The following ZNF804B variants were observed in gnomAD, a reference collection of about 807,000 sequenced individuals.
ZNF804B encodes zinc finger 804B.
In ZNF804B, 80 loss-of-function variants were observed where a neutral mutation model predicts 101.4. The ratio of observed to expected loss-of-function variants is 0.79; its 90% CI spans 0.66 to 0.95. ZNF804B has a LOEUF of 0.95. ZNF804B is among the 40% of genes least tolerant of loss of function. The pLI, the probability that ZNF804B is intolerant of heterozygous loss-of-function variation, is 0.00. For missense variants in ZNF804B, 1,673 were observed against 1,561.9 expected (o/e 1.07, Z -1.20); for synonymous variants, 622 against 558.8 (o/e 1.11, Z -1.59).
chr7:88,877,028 T>TATATATATA (rs1791957176), intron 1 of ZNF804B, among the ~76,000 whole-genome samples: 1 of 36,302 alleles, frequency 2.8e-5, no homozygotes, highest in Admixed American at 4.6e-4. Flanking sequence ...ATATATATAA[T>TATATATATA]ATATATATAT....
At chr7:89,027,087 A>T (rs1447244410) in intron 1 of ZNF804B, among the ~76,000 whole-genome samples, 2 of 152,146 alleles carry the variant, frequency 1.3e-5, no homozygotes, top group Non-Finnish European at 2.9e-5. Context: ...GAAGAAAGTG[A>T]TTATAAAAAA....
intron 1 of ZNF804B, among the ~76,000 whole-genome samples, chr7:89,109,894 C>T (rs1790190125): frequency 3.3e-5 from 5 of 152,042 alleles, no homozygotes; most frequent in Admixed American, 2.0e-4. Context: ...ACACTTTTAA[C>T]TTATTTATAT....
chr7:88,965,883 A>G (rs917431370), intron 1 of ZNF804B, among the ~76,000 whole-genome samples: 1 of 151,540 alleles, frequency 6.6e-6, no homozygotes, highest in Non-Finnish European at 1.5e-5. Context: ...TAAAAAGTGC[A>G]TAATCCTGAA....
At chr7:89,024,046 T>G (rs576868567) in intron 1 of ZNF804B, among the ~76,000 whole-genome samples, 1 of 152,340 alleles carries the variant, frequency 6.6e-6, no homozygotes, top group East Asian at 1.9e-4. Flanking sequence ...ACTATATTTC[T>G]TAATGCTTCA....
At chr7:89,308,801 T>C (rs1790606590) in intron 2 of ZNF804B, among the ~76,000 whole-genome samples, 1 of 152,176 alleles carries the variant, frequency 6.6e-6, no homozygotes, top group Non-Finnish European at 1.5e-5. Flanking sequence ...ACTCTGCCAA[T>C]ACAGTCTGAA....
chr7:88,970,178 T>G (rs993819266), intron 1 of ZNF804B, among the ~76,000 whole-genome samples: 2 of 151,718 alleles, frequency 1.3e-5, no homozygotes, highest in Admixed American at 1.3e-4. Context: ...AGTGACATTA[T>G]TGTATAATAA....
At chr7:88,996,709 T>C (rs1399823307) in intron 1 of ZNF804B, among the ~76,000 whole-genome samples, 1 of 152,152 alleles carries the variant, frequency 6.6e-6, no homozygotes, top group Non-Finnish European at 1.5e-5. Flanking sequence ...CTTTGTCTTA[T>C]ACATGAATTA....
At chr7:88,890,237 T>G (rs1330507087) in intron 1 of ZNF804B, among the ~76,000 whole-genome samples, 2 of 152,180 alleles carry the variant, frequency 1.3e-5, no homozygotes, top group Non-Finnish European at 2.9e-5. Flanking sequence ...ATTTTTAGTA[T>G]TAGCTCTTCA....
At chr7:88,842,808 C>T (rs181692823) in intron 1 of ZNF804B, among the ~76,000 whole-genome samples, 1 of 152,298 alleles carries the variant, frequency 6.6e-6, no homozygotes, top group East Asian at 1.9e-4. Flanking sequence ...TAAAGAAACT[C>T]ACCTGGTACC....
At chr7:89,078,961 TA>T (rs1486324649) in intron 1 of ZNF804B, among the ~76,000 whole-genome samples, 4 of 152,076 alleles carry the variant, frequency 2.6e-5, no homozygotes, top group Non-Finnish European at 4.4e-5. Flanking sequence ...AATTCTGACG[TA>T]GTAGTTGTAG....
intron 1 of ZNF804B, among the ~76,000 whole-genome samples, chr7:89,199,447 G>A (rs551899357): frequency 6.6e-6 from 1 of 151,804 alleles, no homozygotes; most frequent in African/African-American, 2.4e-5. Flanking sequence ...ACAAAACTTA[G>A]GAAATATGAA....
chr7:89,173,226 A>G (rs1791265498), intron 1 of ZNF804B, among the ~76,000 whole-genome samples: 1 of 152,112 alleles, frequency 6.6e-6, no homozygotes. Flanking sequence ...TTATTATTTT[A>G]TAATCCAGCC....
At chr7:89,082,797 CAT>C (rs1175704561) in intron 1 of ZNF804B, among the ~76,000 whole-genome samples, 2 of 151,730 alleles carry the variant, frequency 1.3e-5, no homozygotes, top group African/African-American at 2.4e-5. Flanking sequence ...CAATGGAAGA[CAT>C]GTGTAGCGAT....
intron 1 of ZNF804B, among the ~76,000 whole-genome samples, chr7:89,174,550 A>G (rs553631161): frequency 6.6e-6 from 1 of 152,180 alleles, no homozygotes; most frequent in South Asian, 2.1e-4. Flanking sequence ...TAGTGCTGCA[A>G]TAAACATGGG....
intron 2 of ZNF804B, among the ~76,000 whole-genome samples, chr7:89,228,632 G>A (rs927579639): frequency 6.6e-6 from 1 of 152,192 alleles, no homozygotes; most frequent in Admixed American, 6.5e-5. Flanking sequence ...GCTGATTGGT[G>A]TATTTACAAT....
At chr7:88,992,490 C>G (rs1448081500) in intron 1 of ZNF804B, among the ~76,000 whole-genome samples, 1 of 152,040 alleles carries the variant, frequency 6.6e-6, no homozygotes, top group East Asian at 1.9e-4. Flanking sequence ...GTGGGTTCAA[C>G]TGGGTTTTCT....
intron 1 of ZNF804B, among the ~76,000 whole-genome samples, chr7:89,156,647 T>G (rs1250216222): frequency 1.3e-5 from 2 of 152,128 alleles, no homozygotes; most frequent in Non-Finnish European, 2.9e-5. Flanking sequence ...TATCTATATA[T>G]TTACAGAAAC....
intron 2 of ZNF804B, among the ~76,000 whole-genome samples, chr7:89,280,038 C>G (rs1012637189): frequency 6.6e-6 from 1 of 152,014 alleles, no homozygotes; most frequent in Admixed American, 6.6e-5. Context: ...TGTAAAAGAA[C>G]AGAAATTATA....
chr7:89,177,934 C>CA (rs34250305), intron 1 of ZNF804B, among the ~76,000 whole-genome samples: 25,406 of 140,322 alleles, frequency 0.18, 2,199 homozygotes, highest in Admixed American at 0.23. Flanking sequence ...GACTCTGTCT[C>CA]AAAAAAAAAA....
Sources: gnomAD v4.1 joint callset for allele counts (sites outside exome capture counted in the v4.1 genomes callset) on GRCh38, gnomAD v4.1.1 for gene constraint, MANE v1.5 for transcripts, NCBI Gene and HGNC (gene_info 2026-07-23, HGNC 2026-07-21) for gene names.